C12orf76: variants seen among roughly 807,000 people sequenced by gnomAD.
C12orf76 encodes chromosome 12 open reading frame 76.
C12orf76 carries 6 observed loss-of-function variants against 6.8 expected under a neutral mutation model. That is an observed-to-expected ratio of 0.88 (90% CI 0.48 to 1.73). The LOEUF (loss-of-function observed/expected upper bound fraction) is 1.73, where lower values mean the gene tolerates loss of function less well. C12orf76 is among the 40% of genes most tolerant of loss of function. The probability of loss-of-function intolerance (pLI) is 0.01; values close to 1 mark genes in which losing one functional copy is unlikely to be tolerated. For missense variants in C12orf76, 99 were observed against 98.2 expected, an observed-to-expected ratio of 1.01 and a Z score of -0.03; for synonymous variants, 56 against 43.7, an observed-to-expected ratio of 1.28 and a Z score of -1.11.
At chr12:110,060,762 G>A (rs1383333833) in intron 2 of C12orf76, among the ~76,000 whole-genome samples, 1 of 151,802 alleles carries the variant, frequency 6.6e-6, no homozygotes, top group East Asian at 1.9e-4. Context: ...CAGGCCAGGC[G>A]CAGTGGTTCA....
chr12:110,046,040 C>T, intron 1 of C12orf76: 1 of 159,524 alleles, frequency 6.3e-6, no homozygotes, highest in Non-Finnish European at 1.4e-5. Flanking sequence ...CATTTGGGGC[C>T]TGATCAATTC....
At chr12:110,056,357 G>C (rs1033553311) in intron 4 of C12orf76, among the ~76,000 whole-genome samples, 1 of 152,126 alleles carries the variant, frequency 6.6e-6, no homozygotes, top group Non-Finnish European at 1.5e-5. Context: ...TGCTCTAAGA[G>C]GCTATAATTT....
chr12:110,057,085 C>T, intron 4 of C12orf76: 1 of 746,336 alleles, frequency 1.3e-6, no homozygotes, highest in Non-Finnish European at 2.4e-6. Flanking sequence ...CCTCAGGCTG[C>T]TTGTGCTGGA....
At chr12:110,067,083 G>A (rs1426127194) in intron 1 of C12orf76, among the ~76,000 whole-genome samples, 6 of 152,210 alleles carry the variant, frequency 3.9e-5, no homozygotes, top group Admixed American at 6.5e-5. Flanking sequence ...GTTCTCCAGG[G>A]AAGAGGGAAA....
upstream of C12orf76, among the ~76,000 whole-genome samples, chr12:110,068,411 A>T (rs1892919956): frequency 6.6e-6 from 1 of 152,170 alleles, no homozygotes; most frequent in Non-Finnish European, 1.5e-5. Flanking sequence ...CCTTATCTTC[A>T]TCCATGTCCA....
chr12:110,047,573 G>A (rs989244452), intron 1 of C12orf76, among the ~76,000 whole-genome samples: 1 of 151,872 alleles, frequency 6.6e-6, no homozygotes, highest in African/African-American at 2.4e-5. Context: ...CCAGCTACTC[G>A]CCCGGGATGC....
chr12:110,042,962 C>T (rs982714392), intron 1 of C12orf76, among the ~76,000 whole-genome samples: 1 of 152,038 alleles, frequency 6.6e-6, no homozygotes, highest in Non-Finnish European at 1.5e-5. Context: ...TCCTGAGCTA[C>T]TCAGCTACTC....
exon 3 of C12orf76, chr12:110,059,010 CTG>C (rs1892723849): frequency 1.3e-6 from 2 of 1,549,756 alleles, no homozygotes; most frequent in African/African-American, 1.4e-5. Flanking sequence ...GCCGAACAAA[CTG>C]TGGTATGAAT....
upstream of C12orf76, chr12:110,048,680 C>A (rs572719226): frequency 1.8e-5 from 23 of 1,257,442 alleles, no homozygotes; most frequent in Non-Finnish European, 2.3e-5. Context: ...TCCTCAATAA[C>A]TAATGTTTCC....
upstream of C12orf76, among the ~76,000 whole-genome samples, chr12:110,053,200 A>G (rs1892612416): frequency 6.6e-6 from 1 of 150,668 alleles, no homozygotes; most frequent in Admixed American, 6.6e-5. Context: ...AAAAAAAAAA[A>G]AAAAGTTCCC....
chr12:110,053,755 A>C (rs1030921029), upstream of C12orf76, among the ~76,000 whole-genome samples: 2 of 152,174 alleles, frequency 1.3e-5, no homozygotes, highest in Non-Finnish European at 2.9e-5. Flanking sequence ...AAATGTTCTC[A>C]AACAATAAAT....
intron 1 of C12orf76, among the ~76,000 whole-genome samples, chr12:110,044,899 G>C (rs1051870081): frequency 5.3e-5 from 8 of 151,710 alleles, no homozygotes; most frequent in Non-Finnish European, 1.0e-4. Context: ...CTTGAACCCG[G>C]GAGGCGGAGG....
chr12:110,047,650 C>T (rs780465247), intron 1 of C12orf76, among the ~76,000 whole-genome samples: 20 of 151,984 alleles, frequency 1.3e-4, no homozygotes, highest in Non-Finnish European at 2.5e-4. Flanking sequence ...TGCCACAGCA[C>T]TCCAGCCTGG....
At chr12:110,068,215 A>G (rs28439183), upstream of C12orf76, among the ~76,000 whole-genome samples, 234 of 150,784 alleles carry the variant, frequency 1.6e-3, no homozygotes, top group Non-Finnish European at 2.7e-3. Context: ...AAAAAAGAAG[A>G]AGAAGGAGAA....
At chr12:110,058,088 AAAG>A (rs1566076885) in intron 3 of C12orf76, among the ~76,000 whole-genome samples, 8 of 150,404 alleles carry the variant, frequency 5.3e-5, no homozygotes, top group Admixed American at 4.0e-4. Flanking sequence ...AAAAAAAAAA[AAAG>A]AAGATCCCAG....
upstream of C12orf76, among the ~76,000 whole-genome samples, chr12:110,069,522 C>T (rs1458390497): frequency 6.6e-6 from 1 of 152,212 alleles, no homozygotes; most frequent in Non-Finnish European, 1.5e-5. Flanking sequence ...GCACAGCAAA[C>T]AACTCCTTCT....
chr12:110,045,957 TA>T, intron 1 of C12orf76: 1 of 207,120 alleles, frequency 4.8e-6, no homozygotes, highest in Non-Finnish European at 1.1e-5. Context: ...AGACTCCATA[TA>T]AAAAATAATA....
chr12:110,073,364 G>A (rs1052686013), intron 1 of C12orf76: 3 of 502,154 alleles, frequency 6.0e-6, no homozygotes, highest in East Asian at 5.7e-5. Flanking sequence ...TGCCCCCTGG[G>A]GCTTTCTGTG....
chr12:110,070,754 G>A (rs560300635), upstream of C12orf76, among the ~76,000 whole-genome samples: 12 of 152,064 alleles, frequency 7.9e-5, no homozygotes, highest in South Asian at 2.5e-3. Context: ...TCTTGTTTTC[G>A]ATTTCAGCAT....
Sources: allele counts gnomAD v4.1 joint callset (sites outside exome capture counted in the v4.1 genomes callset), GRCh38; gene constraint gnomAD v4.1.1; transcripts MANE v1.5; gene names NCBI Gene and HGNC (gene_info 2026-07-23, HGNC 2026-07-21).